LDB2: variants seen among roughly 807,000 people sequenced by gnomAD.
The protein encoded by LDB2 is LIM domain-binding protein 2.
Under a neutral mutation model 44.3 loss-of-function variants are expected in LDB2, and 12 were observed. That is an observed-to-expected ratio of 0.27 (90% CI 0.17 to 0.44). The LOEUF is 0.44. LDB2 is among the 20% of genes least tolerant of loss of function. The probability of loss-of-function intolerance (pLI) is 1.00; values close to 1 mark genes in which losing one functional copy is unlikely to be tolerated. For missense variants in LDB2, 344 were observed against 473.5 expected, an observed-to-expected ratio of 0.73 and a Z score of 2.54; for synonymous variants, 164 against 174.8, an observed-to-expected ratio of 0.94 and a Z score of 0.49.
chr4:16,810,123 G>A (rs1275163187), intron 1 of LDB2, among the ~76,000 whole-genome samples: 1 of 152,158 alleles, frequency 6.6e-6, no homozygotes, highest in African/African-American at 2.4e-5. Context: ...TCTAGGCAGA[G>A]GGAAATGTGT....
chr4:16,627,877 AC>A, intron 2 of LDB2, among the ~76,000 whole-genome samples: 1 of 152,210 alleles, frequency 6.6e-6, no homozygotes. Context: ...GGTGGGATAA[AC>A]TGACTTGTGA....
At chr4:16,873,025 T>C (rs562104277) in intron 1 of LDB2, among the ~76,000 whole-genome samples, 1 of 152,116 alleles carries the variant, frequency 6.6e-6, no homozygotes, top group South Asian at 2.1e-4. Flanking sequence ...CACCATCTAA[T>C]GGGGGTTCAA....
intron 5 of LDB2, among the ~76,000 whole-genome samples, chr4:16,536,224 A>G (rs1005143355): frequency 1.3e-5 from 2 of 152,174 alleles, no homozygotes; most frequent in Non-Finnish European, 2.9e-5. Context: ...GTAGGAGCAG[A>G]TAGCAAGCGT....
At chr4:16,808,518 A>C (rs1053290539) in intron 1 of LDB2, among the ~76,000 whole-genome samples, 12 of 152,192 alleles carry the variant, frequency 7.9e-5, no homozygotes, top group African/African-American at 2.9e-4. Context: ...TGAGATGATT[A>C]TGAACCCTTT....
intron 2 of LDB2, among the ~76,000 whole-genome samples, chr4:16,753,896 G>A (rs193208079): frequency 1.3e-5 from 2 of 152,216 alleles, no homozygotes; most frequent in African/African-American, 2.4e-5. Flanking sequence ...TAATAAGAAC[G>A]CCCATCAATG....
intron 2 of LDB2, among the ~76,000 whole-genome samples, chr4:16,744,980 T>G (rs1183403963): frequency 2.6e-5 from 4 of 152,214 alleles, no homozygotes; most frequent in Non-Finnish European, 5.9e-5. Flanking sequence ...ACAAATACTA[T>G]AGTAACAGTG....
At chr4:16,733,823 T>G (rs1761276082) in intron 2 of LDB2, among the ~76,000 whole-genome samples, 1 of 152,220 alleles carries the variant, frequency 6.6e-6, no homozygotes, top group Non-Finnish European at 1.5e-5. Context: ...AATAATTAAC[T>G]TCATTTTGAT....
At chr4:16,562,950 G>GTAAAC (rs1400653479) in intron 5 of LDB2, among the ~76,000 whole-genome samples, 9 of 151,994 alleles carry the variant, frequency 5.9e-5, no homozygotes, top group African/African-American at 2.2e-4. Flanking sequence ...ATCATTCTCA[G>GTAAAC]TAAACTATCG....
intron 2 of LDB2, among the ~76,000 whole-genome samples, chr4:16,746,582 T>G (rs1441953405): frequency 6.6e-6 from 1 of 152,056 alleles, no homozygotes; most frequent in South Asian, 2.1e-4. Context: ...ATGTCAGGAG[T>G]TTGAGATCAG....
chr4:16,817,174 G>A (rs1050063149), intron 1 of LDB2, among the ~76,000 whole-genome samples: 13 of 152,106 alleles, frequency 8.5e-5, no homozygotes, highest in Non-Finnish European at 1.5e-4. Flanking sequence ...GTAAAGGATC[G>A]ATGTATCAAT....
At chr4:16,802,861 C>G (rs1310106952) in intron 1 of LDB2, among the ~76,000 whole-genome samples, 1 of 152,072 alleles carries the variant, frequency 6.6e-6, no homozygotes, top group Non-Finnish European at 1.5e-5. Flanking sequence ...TAATTTCAGA[C>G]CAAGTTTTAA....
chr4:16,637,757 A>G (rs1347973359), intron 2 of LDB2, among the ~76,000 whole-genome samples: 2 of 152,194 alleles, frequency 1.3e-5, no homozygotes, highest in African/African-American at 4.8e-5. Context: ...ATTCTTTAAT[A>G]TCTTAATTAT....
intron 1 of LDB2, among the ~76,000 whole-genome samples, chr4:16,838,723 G>A (rs576565838): frequency 6.6e-6 from 1 of 152,332 alleles, no homozygotes; most frequent in Admixed American, 6.5e-5. Flanking sequence ...GCAACTTCCA[G>A]TGTGAGGAAA....
At chr4:16,712,289 C>T (rs1578989023) in intron 2 of LDB2, among the ~76,000 whole-genome samples, 1 of 152,170 alleles carries the variant, frequency 6.6e-6, no homozygotes, top group African/African-American at 2.4e-5. Flanking sequence ...ATACAAGGCT[C>T]AAGCCTGTAA....
chr4:16,518,496 G>A (rs537652821), intron 5 of LDB2, among the ~76,000 whole-genome samples: 52 of 127,342 alleles, frequency 4.1e-4, no homozygotes, highest in African/African-American at 1.3e-3. Flanking sequence ...TTTTTTTTTC[G>A]CTTTTAAAAG....
At chr4:16,789,460 A>T (rs942229391) in intron 1 of LDB2, among the ~76,000 whole-genome samples, 3 of 152,194 alleles carry the variant, frequency 2.0e-5, no homozygotes, top group African/African-American at 7.2e-5. Context: ...ATGCTCTGAA[A>T]CCAATGTAAC....
At chr4:16,665,467 A>G (rs1244514022) in intron 2 of LDB2, among the ~76,000 whole-genome samples, 1 of 152,016 alleles carries the variant, frequency 6.6e-6, no homozygotes, top group Non-Finnish European at 1.5e-5. Context: ...GGGTTTCACC[A>G]TGTTGGCCAG....
intron 2 of LDB2, among the ~76,000 whole-genome samples, chr4:16,732,734 T>C (rs1259930817): frequency 6.6e-6 from 1 of 152,166 alleles, no homozygotes; most frequent in Non-Finnish European, 1.5e-5. Flanking sequence ...CAAACAAACA[T>C]GTACATCTGA....
intron 2 of LDB2, among the ~76,000 whole-genome samples, chr4:16,597,810 T>C (rs567231258): frequency 5.3e-4 from 81 of 152,324 alleles, no homozygotes; most frequent in Admixed American, 1.3e-3. Context: ...AAAAGTTGAA[T>C]GGGAAAAAGG....
Sources: gnomAD v4.1 joint callset for allele counts (sites outside exome capture counted in the v4.1 genomes callset) on GRCh38, gnomAD v4.1.1 for gene constraint, MANE v1.5 for transcripts, NCBI Gene and HGNC (gene_info 2026-07-23, HGNC 2026-07-21) for gene names.